The following CBLB variants were observed in gnomAD, a reference collection of about 807,000 sequenced individuals.
CBLB encodes the protein E3 ubiquitin-protein ligase CBL-B.
A neutral mutation model predicts 104.9 loss-of-function variants in CBLB; 31 were observed. The observed-to-expected ratio is 0.30, with a 90% confidence interval of 0.22 to 0.40. The LOEUF (loss-of-function observed/expected upper bound fraction) is 0.40, where lower values mean the gene tolerates loss of function less well. Ranked by LOEUF, CBLB falls within the 10% of genes least tolerant of loss-of-function variation. The pLI is 1.00. For missense variants in CBLB, 1,062 were observed against 1,214.6 expected, an observed-to-expected ratio of 0.87 and a Z score of 1.87; for synonymous variants, 440 against 422.6, an observed-to-expected ratio of 1.04 and a Z score of -0.51.
At chr3:105,695,846 C>G (rs2068301653) in intron 12 of CBLB, among the ~76,000 whole-genome samples, 1 of 151,656 alleles carries the variant, frequency 6.6e-6, no homozygotes, top group Non-Finnish European at 1.5e-5. Flanking sequence ...TTCTATTACT[C>G]CTTTACCATT....
chr3:105,861,631 A>G lies in CBLB; in HGVS notation c.168+5779T>C, dbSNP rs543318636. On this transcript the variant is annotated intron_variant, in intron 2 of 18. Transcript: ENST00000394030. Reference sequence around the variant, plus strand: ...TCCCTAACTACATCCTTTCCCATCAATCTTTTTTTTTTCCCACCAATCTTT... The same window carrying G: ...TCCCTAACTACATCCTTTCCCATCAGTCTTTTTTTTTTCCCACCAATCTTT... 2.8e-3 allele frequency among the ~76,000 whole-genome samples: 410 copies of G among 147,992 alleles called. 6 individuals carry two copies. The highest frequency in any genetic ancestry group is 8.7e-3 in the African/African-American group (350 of 40,004).
At chr3:105,741,095 G>GTTTTTTTTTTTTTTTTT (rs66493673) in intron 6 of CBLB, among the ~76,000 whole-genome samples, 1 of 108,200 alleles carries the variant, frequency 9.2e-6, no homozygotes, top group Non-Finnish European at 1.8e-5. Flanking sequence ...AAAAATTAGG[G>GTTTTTTTTTTTTTTTTT]TTTTTTTTTT....
intron 2 of CBLB, among the ~76,000 whole-genome samples, chr3:105,865,941 G>A (rs1003692663): frequency 6.6e-6 from 1 of 152,160 alleles, no homozygotes; most frequent in African/African-American, 2.4e-5. Context: ...AGACAAGATA[G>A]GCAGCATTGT....
chr3:105,704,180 C>A lies in CBLB; in HGVS notation c.1408-7G>T. On this transcript the variant is annotated splice_region_variant and splice_polypyrimidine_tract_variant and intron_variant, in intron 10 of 18. Transcript: ENST00000394030. ...AGTTCTGCCTGTCAGTGCACTAGAA[C>A]AGAAAAAGAGAAAGATGCCGCTGTT... 1 of 1,613,562 alleles carries A rather than the reference C, an allele frequency of 6.2e-7. No individual in the cohort carries two copies. Among genetic ancestry groups the A allele is most frequent in the Non-Finnish European group, 8.5e-7 (1 of 1,179,602 alleles).
chr3:105,707,849 C>T (rs1210698038), intron 10 of CBLB, among the ~76,000 whole-genome samples: 1 of 150,646 alleles, frequency 6.6e-6, no homozygotes, highest in Admixed American at 6.7e-5. Flanking sequence ...TCTTTTTTAT[C>T]CTTCTGAAAA....
intron 18 of CBLB, among the ~76,000 whole-genome samples, chr3:105,660,246 G>A (rs189533629): frequency 9.9e-5 from 15 of 152,210 alleles, no homozygotes; most frequent in Admixed American, 3.3e-4. Context: ...GTGCAATGGC[G>A]TAGTCTCAGC....
Position 105,776,498 on chromosome 3 carries a change from G to T in CBLB, c.464C>A (p.Ala155Glu). The T allele has an allele frequency of 6.2e-7, 1 of 1,613,764 alleles. No individual in the cohort carries two copies. Residue 155 changes from alanine to glutamate, a missense_variant, in exon 4 of 19, where the codon GCA (alanine) becomes GAA (glutamate). By Grantham distance (107) the Ala-to-Glu change is moderately radical. Coordinates refer to ENST00000394030, the MANE Select transcript of CBLB (RefSeq NM_170662.5). ...ATTGGGAAAGATTGCTTTGATTTCTGCCAGCATGTGACTGAAGATAAGGGA... is the reference window on the plus strand; with the variant it reads ...ATTGGGAAAGATTGCTTTGATTTCTTCCAGCATGTGACTGAAGATAAGGGA... ...KLSLIFSHML[A>E]EIKAIFPNGQ...
At position 105,704,253 on chromosome 3, in the gene CBLB, GGAA is replaced by G. The variant is rs2069719394; in HGVS notation, c.1408-83_1408-81del. The stretch of plus-strand genomic sequence containing the variant: ...CTGTTCTTAAAGAATATATTTGGTT[GGAA>G]GAAGGTTTCTGGCACCATACATTTG... On this transcript the variant is annotated intron_variant, in intron 10 of 18. Coordinates refer to ENST00000394030, the MANE Select transcript of CBLB (RefSeq NM_170662.5). The G allele has an allele frequency of 1.5e-5, 20 of 1,343,952 alleles. No individual in the cohort carries two copies. In the South Asian group the frequency reaches 2.1e-4, roughly 14 times the overall value. The allele number at this position is 1,343,952 out of a possible 1,614,324, so 83.3% of individuals were successfully genotyped here.
chr3:105,722,770 T>C (rs985781782), intron 9 of CBLB, among the ~76,000 whole-genome samples: 1 of 152,100 alleles, frequency 6.6e-6, no homozygotes. Flanking sequence ...ACTGAAAATA[T>C]TGAGTTTTGA....
In CBLB at chr3:105,827,330, C is replaced by T. The variant is rs114635224; in HGVS notation, c.419+26084G>A. ...TCATTATGAAACTTTTTTTTTCCCTCGTACCCATCTCCCACACAGAAGTTG... is the reference window on the plus strand; with the variant it reads ...TCATTATGAAACTTTTTTTTTCCCTTGTACCCATCTCCCACACAGAAGTTG... On this transcript the variant is annotated intron_variant, in intron 3 of 18. Coordinates refer to ENST00000394030, the MANE Select transcript of CBLB (RefSeq NM_170662.5). 2.0e-3 allele frequency among the ~76,000 whole-genome samples: 309 copies of T among 151,848 alleles called. 2 individuals carry two copies. The highest frequency in any genetic ancestry group is 7.2e-3 in the African/African-American group (299 of 41,436).
chr3:105,767,157 C>T (rs2078314711), intron 4 of CBLB, among the ~76,000 whole-genome samples: 1 of 152,060 alleles, frequency 6.6e-6, no homozygotes, highest in African/African-American at 2.4e-5. Context: ...TTGAATCCTA[C>T]TTTAGTTCTT....
At chr3:105,787,608 T>C (rs1260051890) in intron 3 of CBLB, among the ~76,000 whole-genome samples, 1 of 152,212 alleles carries the variant, frequency 6.6e-6, no homozygotes, top group Non-Finnish European at 1.5e-5. Context: ...ACAGCTAACA[T>C]GAAAGTACAA....
chr3:105,741,553 A>T (rs1431312258), intron 6 of CBLB, among the ~76,000 whole-genome samples: 1 of 151,882 alleles, frequency 6.6e-6, no homozygotes, highest in Admixed American at 6.6e-5. Context: ...CCGCCACCAC[A>T]CCCAGCTAAT....
chr3:105,824,712 A>G (rs1049167333), intron 3 of CBLB, among the ~76,000 whole-genome samples: 2 of 151,994 alleles, frequency 1.3e-5, no homozygotes, highest in East Asian at 1.9e-4. Context: ...AGAAATGACA[A>G]TTTGGAGAGG....
Position 105,820,342 on chromosome 3 carries a change from T to A in CBLB, c.419+33072A>T, listed in dbSNP as rs569762398. Among the ~76,000 whole-genome samples, 7 of 152,262 alleles carry A rather than the reference T, an allele frequency of 4.6e-5. No homozygotes were observed. The East Asian group carries it at 9.6e-4, about 21-fold the overall frequency. The stretch of plus-strand genomic sequence containing the variant: ...CATGCTGTACGTCCAGTTCCTGATA[T>A]CGGTATCGGTCTGTGGCCCAGGGGT... On this transcript the variant is annotated intron_variant, in intron 3 of 18. Transcript: ENST00000394030.
chr3:105,666,238 A>G (rs2064442406), intron 18 of CBLB, among the ~76,000 whole-genome samples: 1 of 152,186 alleles, frequency 6.6e-6, no homozygotes, highest in African/African-American at 2.4e-5. Context: ...AACTATAACA[A>G]TAACAGAATT....
intron 3 of CBLB, among the ~76,000 whole-genome samples, chr3:105,841,722 G>C (rs1317678008): frequency 2.0e-5 from 3 of 151,990 alleles, no homozygotes; most frequent in Admixed American, 6.6e-5. Context: ...CAAAGTGCTG[G>C]GATTACAGGT....
chr3:105,801,980 T>C (rs2082931533), intron 3 of CBLB, among the ~76,000 whole-genome samples: 1 of 152,134 alleles, frequency 6.6e-6, no homozygotes, highest in Non-Finnish European at 1.5e-5. Flanking sequence ...TTCAAATGCG[T>C]GAATGAAAGT....
At position 105,852,378 on chromosome 3, in the gene CBLB, T is replaced by C. The variant is rs569249981; in HGVS notation, c.419+1036A>G. 1.6e-4 allele frequency among the ~76,000 whole-genome samples: 24 copies of C among 152,338 alleles called. No individual in the cohort carries two copies. The East Asian group carries it at 4.6e-3, about 29-fold the overall frequency. ...GCTAATGTGTGTGTTTGTGTCTTAG[T>C]TTTTAAAAAGTTTATAAAATTTTTT... On this transcript the variant is annotated intron_variant, in intron 3 of 18. Coordinates refer to ENST00000394030, the MANE Select transcript of CBLB (RefSeq NM_170662.5).
Sources: gnomAD v4.1 joint callset for allele counts (sites outside exome capture counted in the v4.1 genomes callset) on GRCh38, gnomAD v4.1.1 for gene constraint, MANE v1.5 for transcripts, NCBI Gene and HGNC (gene_info 2026-07-23, HGNC 2026-07-21) for gene names.